The following DPH7 variants were observed in gnomAD, a reference collection of about 807,000 sequenced individuals.
The protein encoded by DPH7 is diphthine methyltransferase.
DPH7 carries 44 observed loss-of-function variants against 41.7 expected under a neutral mutation model. The observed-to-expected ratio is 1.05, with a 90% confidence interval of 0.83 to 1.36. DPH7 has a LOEUF of 1.36. Among genes scored for constraint, DPH7 ranks in the 40% most tolerant of loss-of-function variants. DPH7 has a pLI of 0.00. For missense variants in DPH7, 629 were observed against 577.5 expected, an observed-to-expected ratio of 1.09 and a Z score of -0.91; for synonymous variants, 275 against 238.0, an observed-to-expected ratio of 1.16 and a Z score of -1.43.
intron 5 of DPH7, among the ~76,000 whole-genome samples, chr9:137,573,734 A>G (rs1431281437): frequency 6.6e-6 from 1 of 150,570 alleles, no homozygotes; most frequent in Non-Finnish European, 1.5e-5. Context: ...ATGAGCGCCA[A>G]CTATAGCCTT....
chr9:137,560,322 C>T (rs1838286569), intron 8 of DPH7, among the ~76,000 whole-genome samples: 1 of 152,110 alleles, frequency 6.6e-6, no homozygotes, highest in Non-Finnish European at 1.5e-5. Flanking sequence ...GGGAGCACAA[C>T]AAATAGTCAA....
At chr9:137,563,297 C>T (rs1336937269) in intron 8 of DPH7, among the ~76,000 whole-genome samples, 2 of 152,120 alleles carry the variant, frequency 1.3e-5, no homozygotes, top group Non-Finnish European at 2.9e-5. Context: ...CTTCGGGAGG[C>T]CAAGGCAGGC....
At chr9:137,563,761 A>G (rs867239321) in intron 8 of DPH7, among the ~76,000 whole-genome samples, 9 of 152,028 alleles carry the variant, frequency 5.9e-5, no homozygotes, top group Non-Finnish European at 7.4e-5. Context: ...AGAAGAGGCG[A>G]AAGAGGAGAG....
chr9:137,557,349 TACAAAA>T (rs1837694496), intron 8 of DPH7, among the ~76,000 whole-genome samples: 1 of 151,770 alleles, frequency 6.6e-6, no homozygotes, highest in Admixed American at 6.6e-5. Context: ...CTATTAAAAA[TACAAAA>T]ACTAGCTGGG....
intron 5 of DPH7, among the ~76,000 whole-genome samples, chr9:137,573,682 CAAAAAAAAAAAAAAAAAAA>C (rs61028786): frequency 3.9e-5 from 1 of 25,914 alleles, no homozygotes; most frequent in African/African-American, 1.4e-4. Flanking sequence ...GACTCTGTCT[CAAAAAAAAAAAAAAAAAAA>C]AAAAAAAAAG....
chr9:137,578,151 C>T (rs1841758874), intron 1 of DPH7: 1 of 176,110 alleles, frequency 5.7e-6, no homozygotes, highest in Non-Finnish European at 1.1e-5. Flanking sequence ...AGTGCAAGAC[C>T]TTGTCTCAGA....
At position 137,558,787 on chromosome 9, in the gene DPH7, C is replaced by T. The variant is rs139777139; in HGVS notation, c.950-3139G>A. ...GAGTGTCACTGTCGCCAGGCTGGAG[C>T]GCAGTGGCGTGATCTCGGCTCACTG... On this transcript the variant is annotated intron_variant, in intron 8 of 8. Transcript: ENST00000277540. Among the ~76,000 whole-genome samples, 374 of 152,142 alleles carry T rather than the reference C, an allele frequency of 2.5e-3. 3 individuals are homozygous for T. The highest frequency in any genetic ancestry group is 8.5e-3 in the African/African-American group (355 of 41,522).
intron 1 of DPH7, chr9:137,577,857 C>T: frequency 1.4e-6 from 1 of 725,392 alleles, no homozygotes; most frequent in Non-Finnish European, 1.7e-6. Context: ...ACCACAGAAC[C>T]CAGTTTGCCT....
chr9:137,575,233 C>G, intron 3 of DPH7: 1 of 1,001,378 alleles, frequency 1.0e-6, no homozygotes, highest in Non-Finnish European at 1.2e-6. Flanking sequence ...ACTCGCCTCC[C>G]GAGACAGAGA....
intron 8 of DPH7, among the ~76,000 whole-genome samples, chr9:137,561,034 A>AGAAAAAAG (rs1554792986): frequency 2.3e-5 from 3 of 129,520 alleles, no homozygotes; most frequent in African/African-American, 9.2e-5. Context: ...AAAAAAAAAA[A>AGAAAAAAG]AAAAAAAGAA....
At chr9:137,565,057 C>T in intron 6 of DPH7, 28 bp downstream of exon 6, 4 of 1,613,738 alleles carry the variant, frequency 2.5e-6, no homozygotes, top group Non-Finnish European at 2.5e-6. Context: ...CTGGTGTGGG[C>T]ACCGAGTGCT....
In DPH7 at chr9:137,574,396, C is replaced by T. The variant is rs780210172; in HGVS notation, c.468-16G>A. 1.9e-6 allele frequency: 3 copies of T among 1,606,984 alleles called. No individual in the cohort carries two copies. Among genetic ancestry groups the T allele is most frequent in the African/African-American group, 1.3e-5 (1 of 74,770 alleles). On this transcript the variant is annotated splice_polypyrimidine_tract_variant and intron_variant, in intron 4 of 8. Transcript: ENST00000277540. ...GTCCCCGGCCCTAGACACAGGGAAC[C>T]CATGAAGAAGCCCGGCAGAATGTTA...
intron 2 of DPH7, among the ~76,000 whole-genome samples, chr9:137,576,681 G>A (rs975917579): frequency 2.0e-5 from 3 of 152,144 alleles, no homozygotes; most frequent in Admixed American, 2.0e-4. Flanking sequence ...ACGAGGTCAG[G>A]AGATCAAGAC....
intron 8 of DPH7, among the ~76,000 whole-genome samples, chr9:137,559,848 G>C (rs539057320): frequency 6.6e-6 from 1 of 152,094 alleles, no homozygotes; most frequent in African/African-American, 2.4e-5. Flanking sequence ...GGCCACTACC[G>C]GTCTCTGCAC....
At chr9:137,561,021 C>CAAAAAAA (rs869251490) in intron 8 of DPH7, among the ~76,000 whole-genome samples, 84 of 80,596 alleles carry the variant, frequency 1.0e-3, no homozygotes, top group Non-Finnish European at 1.4e-3. Context: ...GACCCCATCT[C>CAAAAAAA]AAAAAAAAAA....
chr9:137,556,791 CG>C lies in DPH7; in HGVS notation c.950-1144del. ...CCAGCAATCGCTCAACACGTCCACTCGGGCCAGCAGGACCTCTTCTACAGCT... is the reference window on the plus strand; with the variant it reads ...CCAGCAATCGCTCAACACGTCCACTCGGCCAGCAGGACCTCTTCTACAGCT... On this transcript the variant is annotated intron_variant, in intron 8 of 8. Transcript: ENST00000277540. This position sits in a 1 kb window ranked among gnomAD's most constrained non-coding sequence, Gnocchi z 5.2. The C allele has an allele frequency of 2.2e-6, 1 of 456,192 alleles. No individual in the cohort carries two copies. Among genetic ancestry groups the C allele is most frequent in the South Asian group, 1.5e-5 (1 of 64,530 alleles). The allele number at this position is 456,192 out of a possible 1,614,324, so 28.3% of individuals were successfully genotyped here.
At chr9:137,564,411 A>G in intron 8 of DPH7, 23 bp downstream of exon 8, 4 of 1,600,384 alleles carry the variant, frequency 2.5e-6, no homozygotes, top group Non-Finnish European at 3.4e-6. Context: ...CCTGAGGCCC[A>G]GCAGCCACGG....
intron 1 of DPH7, chr9:137,577,977 C>T (rs1476506658): frequency 5.7e-5 from 56 of 985,154 alleles, no homozygotes; most frequent in Non-Finnish European, 6.5e-5. Flanking sequence ...TACATTCCAC[C>T]CATTCCCTTG....
chr9:137,577,291 A>G (rs1209562739), intron 2 of DPH7, among the ~76,000 whole-genome samples, 179 bp downstream of exon 2: 1 of 152,184 alleles, frequency 6.6e-6, no homozygotes, highest in East Asian at 1.9e-4. Flanking sequence ...CGGCTGGAAC[A>G]TGACAAAGGA....
Sources: gnomAD v4.1 joint callset for allele counts (sites outside exome capture counted in the v4.1 genomes callset) on GRCh38, gnomAD v4.1.1 for gene constraint, Gnocchi (gnomAD v3.1) non-coding constraint, MANE v1.5 for transcripts, NCBI Gene and HGNC (gene_info 2026-07-23, HGNC 2026-07-21) for gene names.